FMN2: variants seen among roughly 807,000 people sequenced by gnomAD.
FMN2 encodes formin 2.
Under a neutral mutation model 142.3 loss-of-function variants are expected in FMN2, and 51 were observed. The ratio of observed to expected loss-of-function variants is 0.36; its 90% CI spans 0.29 to 0.45. The LOEUF (loss-of-function observed/expected upper bound fraction) is 0.45. Among genes scored for constraint, FMN2 ranks in the 20% least tolerant of loss-of-function variants. The pLI is 1.00. For missense variants in FMN2, 1,936 were observed against 2,122.8 expected, an observed-to-expected ratio of 0.91 and a Z score of 1.73; for synonymous variants, 882 against 869.8, an observed-to-expected ratio of 1.01 and a Z score of -0.25.
chr1:240,296,438 C>CTTTTTTTTTTTTTTTTT (rs772711130), intron 8 of FMN2, among the ~76,000 whole-genome samples: 11 of 46,916 alleles, frequency 2.3e-4, no homozygotes, highest in Admixed American at 3.2e-4. Context: ...TCTTTGAGTG[C>CTTTTTTTTTTTTTTTTT]TTTTTTTTTT....
At chr1:240,107,656 C>A (rs1003799465) in intron 1 of FMN2, among the ~76,000 whole-genome samples, 38 of 151,836 alleles carry the variant, frequency 2.5e-4, no homozygotes, top group Middle Eastern at 3.4e-3. Flanking sequence ...CTTTTTTCAA[C>A]TTCATTAGAT....
intron 14 of FMN2, among the ~76,000 whole-genome samples, chr1:240,379,871 A>G (rs1673168938): frequency 6.6e-6 from 1 of 152,298 alleles, no homozygotes; most frequent in South Asian, 2.1e-4. Flanking sequence ...ACCAAGGAAA[A>G]AAAGTGGAAA....
chr1:240,140,231 T>A (rs538229291), intron 2 of FMN2, among the ~76,000 whole-genome samples: 73 of 152,352 alleles, frequency 4.8e-4, no homozygotes, highest in Non-Finnish European at 8.8e-4. Context: ...ACAAACAAAC[T>A]GTTTTCAGTA....
At chr1:240,408,024 A>T (rs1467977838) in intron 15 of FMN2, among the ~76,000 whole-genome samples, 1 of 152,192 alleles carries the variant, frequency 6.6e-6, no homozygotes, top group African/African-American at 2.4e-5. Context: ...ATTGTATATT[A>T]TTTAACCCAC....
chr1:240,420,341 C>T (rs1371305717), intron 15 of FMN2, among the ~76,000 whole-genome samples: 1 of 152,204 alleles, frequency 6.6e-6, no homozygotes, highest in African/African-American at 2.4e-5. Flanking sequence ...AGCACACCTA[C>T]TCCTCTTTAA....
rs547828220 is a variant in FMN2 at position 240,091,931 on chromosome 1, G to A, written c.-179G>A. 1.2e-5 allele frequency: 13 copies of A among 1,097,104 alleles called. No homozygotes were observed. Among genetic ancestry groups the A allele is most frequent in the Non-Finnish European group, 1.6e-5 (13 of 823,688 alleles). The allele number at this position is 1,097,104 out of a possible 1,614,324, so 68.0% of individuals were successfully genotyped here. ...AGCCACGGGAGCCGCCGCGCATTAT[G>A]CAAAGCGGCGGCAGATGCGAGCGGG... On this transcript the variant is annotated 5_prime_UTR_variant, in exon 1 of 18. The change abolishes an upstream ATG in the 5' untranslated region. Transcript: ENST00000319653.
chr1:240,290,506 T>G (rs1669743062), intron 7 of FMN2, among the ~76,000 whole-genome samples: 1 of 152,214 alleles, frequency 6.6e-6, no homozygotes, highest in South Asian at 2.1e-4. Context: ...CACCTTAAAA[T>G]TAATCACACC....
At chr1:240,350,536 T>TAA (rs1672063556) in intron 13 of FMN2, among the ~76,000 whole-genome samples, 1 of 152,218 alleles carries the variant, frequency 6.6e-6, no homozygotes, top group South Asian at 2.1e-4. Context: ...TGAAATAATA[T>TAA]AATTAACAGC....
chr1:240,272,917 GC>G (rs1464044836), intron 7 of FMN2, among the ~76,000 whole-genome samples: 2 of 152,072 alleles, frequency 1.3e-5, no homozygotes, highest in Non-Finnish European at 2.9e-5. Context: ...ATAATTATAT[GC>G]ACGTGATTAA....
At position 240,119,600 on chromosome 1, in the gene FMN2, A is replaced by C. The variant is rs570293418; in HGVS notation, c.1616-3579A>C. Among the ~76,000 whole-genome samples the C allele has an allele frequency of 2.2e-4, 34 of 152,268 alleles. No homozygotes were observed. The South Asian group carries it at 5.4e-3, about 24-fold the overall frequency. On this transcript the variant is annotated intron_variant, in intron 1 of 17. Transcript: ENST00000319653. ...AGGATGCTGCTAAAAGCACAGGATA[A>C]TTTCCCCCACTACCGCTAAACACGG...
intron 14 of FMN2, among the ~76,000 whole-genome samples, chr1:240,356,937 G>A (rs538450337): frequency 2.0e-5 from 3 of 152,304 alleles, no homozygotes; most frequent in African/African-American, 4.8e-5. Context: ...CATAAATCAC[G>A]TTGAATGTCA....
chr1:240,096,346 T>G (rs1454608328), intron 1 of FMN2, among the ~76,000 whole-genome samples: 1 of 152,186 alleles, frequency 6.6e-6, no homozygotes, highest in Non-Finnish European at 1.5e-5. Context: ...CATCTGGCCT[T>G]CCTTGAGCTG....
At chr1:240,296,266 C>T (rs950941140) in intron 8 of FMN2, among the ~76,000 whole-genome samples, 5 of 148,536 alleles carry the variant, frequency 3.4e-5, no homozygotes, top group Non-Finnish European at 5.9e-5. Context: ...AACCATAGCA[C>T]GATATAGTCA....
intron 2 of FMN2, 167 bp from the exon 3 acceptor site, chr1:240,177,754 A>T (rs1422669826): frequency 2.0e-6 from 1 of 489,378 alleles, no homozygotes; most frequent in African/African-American, 2.0e-5. Flanking sequence ...AAAAATGTGT[A>T]TCTTAGGAAT....
At chr1:240,400,186 G>C (rs1391663757) in intron 15 of FMN2, among the ~76,000 whole-genome samples, 1 of 152,116 alleles carries the variant, frequency 6.6e-6, no homozygotes, top group Non-Finnish European at 1.5e-5. Flanking sequence ...AATCCCAGAG[G>C]TTGGAAGGCT....
chr1:240,349,858 G>C (rs1672031524), intron 13 of FMN2, among the ~76,000 whole-genome samples: 1 of 152,050 alleles, frequency 6.6e-6, no homozygotes, highest in Non-Finnish European at 1.5e-5. Context: ...ATTTGGATTT[G>C]ACTGCAATGC....
chr1:240,277,443 T>C (rs1445758940), intron 7 of FMN2, among the ~76,000 whole-genome samples: 1 of 151,614 alleles, frequency 6.6e-6, no homozygotes, highest in Non-Finnish European at 1.5e-5. Flanking sequence ...TTTTCTTTTT[T>C]TTTTTTTCAA....
At chr1:240,341,601 C>A (rs1671743658) in intron 13 of FMN2, 1 of 152,210 alleles carries the variant, frequency 6.6e-6, no homozygotes, top group African/African-American at 2.4e-5. Context: ...GTTTGTGTTA[C>A]AACTGCAGAG....
At chr1:240,434,571 TG>T (rs1675293870) in intron 15 of FMN2, among the ~76,000 whole-genome samples, 1 of 151,804 alleles carries the variant, frequency 6.6e-6, no homozygotes. Context: ...TTTTGTTTTT[TG>T]TTTTTTTGAG....
Sources: allele counts gnomAD v4.1 joint callset (sites outside exome capture counted in the v4.1 genomes callset), GRCh38; gene constraint gnomAD v4.1.1; transcripts MANE v1.5; gene names NCBI Gene and HGNC (gene_info 2026-07-23, HGNC 2026-07-21).